TESC: variants seen among roughly 807,000 people sequenced by gnomAD.
TESC encodes the protein calcineurin B homologous protein 3.
Under a neutral mutation model 31.0 loss-of-function variants are expected in TESC, and 19 were observed. The ratio of observed to expected loss-of-function variants is 0.61; its 90% CI spans 0.43 to 0.90. The LOEUF is 0.90. Among genes scored for constraint, TESC ranks in the 40% least tolerant of loss-of-function variants. The probability of loss-of-function intolerance (pLI) is 0.00; values close to 1 mark genes in which losing one functional copy is unlikely to be tolerated. For synonymous variants in TESC, 109 were observed against 114.8 expected, an observed-to-expected ratio of 0.95 and a Z score of 0.32; for missense variants, 248 against 303.8, an observed-to-expected ratio of 0.82 and a Z score of 1.36.
intron 2 of TESC, among the ~76,000 whole-genome samples, chr12:117,059,460 A>G (rs1442710624): frequency 1.3e-5 from 2 of 152,234 alleles, no homozygotes; most frequent in African/African-American, 4.8e-5. Flanking sequence ...AGTTCAAAAG[A>G]AGGAGGTAGA....
chr12:117,044,916 G>C (rs111747747), intron 6 of TESC, among the ~76,000 whole-genome samples: 2 of 61,344 alleles, frequency 3.3e-5, no homozygotes, highest in East Asian at 1.1e-3. Context: ...AGAAAAAAAA[G>C]AGAGAGAGAC....
intron 3 of TESC, among the ~76,000 whole-genome samples, chr12:117,051,936 T>G (rs988629087): frequency 2.6e-5 from 4 of 152,196 alleles, no homozygotes; most frequent in African/African-American, 9.6e-5. Flanking sequence ...AAATAAAAGT[T>G]TATTTATTTA....
At chr12:117,047,020 G>C (rs1043757532) in intron 4 of TESC, among the ~76,000 whole-genome samples, 182 bp from the exon 5 acceptor site, 1 of 152,214 alleles carries the variant, frequency 6.6e-6, no homozygotes, top group Non-Finnish European at 1.5e-5. Context: ...CCTTGGGCCC[G>C]TGACCTAACT....
intron 1 of TESC, among the ~76,000 whole-genome samples, chr12:117,094,979 G>A (rs1955370580): frequency 6.8e-6 from 1 of 146,292 alleles, no homozygotes; most frequent in African/African-American, 2.5e-5. Context: ...TCGCGCCACT[G>A]CACTCCAGCT....
At chr12:117,064,448 T>C (rs930874253) in intron 2 of TESC, among the ~76,000 whole-genome samples, 1 of 152,180 alleles carries the variant, frequency 6.6e-6, no homozygotes, top group Non-Finnish European at 1.5e-5. Context: ...TTCTCATCCC[T>C]GTCCCTGCCC....
intron 3 of TESC, among the ~76,000 whole-genome samples, chr12:117,051,953 T>TA (rs1954653127): frequency 6.6e-6 from 1 of 152,216 alleles, no homozygotes; most frequent in Non-Finnish European, 1.5e-5. Flanking sequence ...TTTATTTATT[T>TA]TTTAAGAGAT....
At chr12:117,096,297 T>C (rs1431882925) in intron 1 of TESC, among the ~76,000 whole-genome samples, 2 of 152,116 alleles carry the variant, frequency 1.3e-5, no homozygotes, top group Non-Finnish European at 2.9e-5. Context: ...CCCTGAGGCT[T>C]TTCTCCCTTT....
Position 117,046,601 on chromosome 12 carries a change from G to T in TESC, c.477C>A (p.Asp159Glu). 6.4e-7 allele frequency: 1 copy of T among 1,551,328 alleles called. No homozygotes were observed. The highest frequency in any genetic ancestry group is 8.7e-7 in the Non-Finnish European group (1 of 1,147,010). The part of the protein sequence containing the change: ...IEKESARSIA[D>E]GAMMEAASVC... ...CGCTGGCCGCCTCCATCATGGCCCC[G>T]TCGGCGATGGAGCGAGCGGACTCCT... The change falls in exon 6 of 8, where the codon GAC becomes GAA. Residue 159 changes from aspartate to glutamate, a missense_variant. Transcript: ENST00000335209.
At chr12:117,086,128 G>A (rs1364925534) in intron 1 of TESC, among the ~76,000 whole-genome samples, 1 of 152,198 alleles carries the variant, frequency 6.6e-6, no homozygotes, top group African/African-American at 2.4e-5. Flanking sequence ...GTCGCCAGGG[G>A]CTGGGAGAGG....
intron 2 of TESC, among the ~76,000 whole-genome samples, chr12:117,067,854 C>T (rs1954909034): frequency 6.6e-6 from 1 of 152,220 alleles, no homozygotes; most frequent in Non-Finnish European, 1.5e-5. Context: ...CATGTTAGCA[C>T]TCTGCTGCTG....
intron 1 of TESC, among the ~76,000 whole-genome samples, chr12:117,081,510 T>C (rs143934933): frequency 6.0e-4 from 91 of 152,316 alleles, no homozygotes; most frequent in African/African-American, 2.1e-3. Context: ...ATATACCCTT[T>C]GAATCAGAAC....
At chr12:117,083,089 AT>A (rs35709896) in intron 1 of TESC, among the ~76,000 whole-genome samples, 78,136 of 148,230 alleles carry the variant, frequency 0.53, 21,555 homozygotes, top group African/African-American at 0.73. Flanking sequence ...CTCCAAAACA[AT>A]TTTTTTTTTT....
chr12:117,047,673 C>T (rs969659652), intron 4 of TESC, among the ~76,000 whole-genome samples: 1 of 152,122 alleles, frequency 6.6e-6, no homozygotes, highest in African/African-American at 2.4e-5. Context: ...ATCCACCCAC[C>T]TCAGCCTCCC....
At chr12:117,054,381 C>G (rs548031564) in intron 3 of TESC, among the ~76,000 whole-genome samples, 1 of 152,214 alleles carries the variant, frequency 6.6e-6, no homozygotes, top group African/African-American at 2.4e-5. Context: ...CCTGCTGCTG[C>G]TGGTCCACAG....
intron 4 of TESC, 138 bp downstream of exon 4, chr12:117,048,881 G>C: frequency 7.4e-7 from 1 of 1,351,304 alleles, no homozygotes; most frequent in East Asian, 2.5e-5. Context: ...AGGGACGAGG[G>C]CTGGTGGCCC....
At position 117,075,610 on chromosome 12, in the gene TESC, T is replaced by C. The variant is rs901473450; in HGVS notation, c.59-270A>G. 2.6e-5 allele frequency among the ~76,000 whole-genome samples: 4 copies of C among 151,830 alleles called. No individual in the cohort carries two copies. In the East Asian group the frequency reaches 7.8e-4, roughly 29 times the overall value. ...AATAGCTCCTGAGACAGGGCAGTCA[T>C]GAAGCAGGCCATTCTCCCAGCCTCT... is the stretch of plus-strand genomic sequence containing the variant. On this transcript the variant is annotated intron_variant, in intron 1 of 7. Coordinates refer to ENST00000335209, the MANE Select transcript of TESC (RefSeq NM_017899.4).
At chr12:117,095,375 G>T (rs1478525613) in intron 1 of TESC, among the ~76,000 whole-genome samples, 8 of 152,158 alleles carry the variant, frequency 5.3e-5, no homozygotes, top group African/African-American at 1.9e-4. Flanking sequence ...GCCCGGCCTA[G>T]ACCTTACCCT....
intron 4 of TESC, among the ~76,000 whole-genome samples, chr12:117,047,624 C>T (rs1313773102): frequency 6.6e-6 from 1 of 152,056 alleles, no homozygotes; most frequent in Non-Finnish European, 1.5e-5. Context: ...AGGGTTTCAC[C>T]AGTTGGCCAG....
intron 1 of TESC, among the ~76,000 whole-genome samples, chr12:117,075,875 GTATATATATATATATATATATA>G (rs528031954): frequency 4.5e-4 from 28 of 62,522 alleles, no homozygotes; most frequent in South Asian, 5.3e-4. Flanking sequence ...ATATATGTGT[GTATATATATATATATATATATA>G]TATATATATA....
Sources: allele counts gnomAD v4.1 joint callset (sites outside exome capture counted in the v4.1 genomes callset), GRCh38; gene constraint gnomAD v4.1.1; transcripts MANE v1.5; gene names NCBI Gene and HGNC (gene_info 2026-07-23, HGNC 2026-07-21).